The following ARMC1 variants were observed in gnomAD, a reference collection of about 807,000 sequenced individuals.
The protein encoded by ARMC1 is armadillo repeat-containing protein 1.
ARMC1 carries 16 observed loss-of-function variants against 31.4 expected under a neutral mutation model. The ratio of observed to expected loss-of-function variants is 0.51; its 90% confidence interval spans 0.34 to 0.77. The LOEUF (loss-of-function observed/expected upper bound fraction) is 0.77. Ranked by LOEUF, ARMC1 falls within the 30% of genes least tolerant of loss-of-function variation. The pLI, the probability that ARMC1 is intolerant of heterozygous loss-of-function variation, is 0.01. For synonymous variants in ARMC1, 114 were observed against 118.9 expected, an observed-to-expected ratio of 0.96 and a Z score of 0.27; for missense variants, 259 against 347.5, an observed-to-expected ratio of 0.75 and a Z score of 2.02.
chr8:65,623,512 G>A (rs1278671062), intron 2 of ARMC1, among the ~76,000 whole-genome samples: 1 of 151,268 alleles, frequency 6.6e-6, no homozygotes, highest in Non-Finnish European at 1.5e-5. Context: ...GGGAGACTGA[G>A]GCAGGAGAAT....
chr8:65,604,652 A>ATT, intron 6 of ARMC1, 67 bp from the exon 7 acceptor site: 1 of 1,438,846 alleles, frequency 7.0e-7, no homozygotes. Flanking sequence ...TACCGTGGTT[A>ATT]TTCTCAGGGT....
intron 2 of ARMC1, among the ~76,000 whole-genome samples, chr8:65,623,746 T>G (rs1450787305): frequency 6.8e-6 from 1 of 146,270 alleles, no homozygotes; most frequent in African/African-American, 2.5e-5. Context: ...GCAGTTTTCT[T>G]ATTAGAAACC....
chr8:65,627,611 G>A (rs1413016704), intron 1 of ARMC1, among the ~76,000 whole-genome samples, 178 bp from the exon 2 acceptor site: 6 of 152,084 alleles, frequency 3.9e-5, no homozygotes, highest in Non-Finnish European at 8.8e-5. Flanking sequence ...TAAGACGACT[G>A]AAAAAATTTG....
At chr8:65,624,207 G>A (rs566430280) in intron 2 of ARMC1, among the ~76,000 whole-genome samples, 57 of 151,952 alleles carry the variant, frequency 3.8e-4, no homozygotes, top group African/African-American at 1.3e-3. Context: ...AAATATAAAA[G>A]ACCTTTTTTT....
chr8:65,605,690 A>T, intron 4 of ARMC1, 152 bp from the exon 5 acceptor site: 2 of 621,640 alleles, frequency 3.2e-6, no homozygotes, highest in Non-Finnish European at 2.8e-6. Flanking sequence ...GGGAGTGCTT[A>T]GTCAAATTTT....
chr8:65,614,713 C>T (rs1455843027), intron 3 of ARMC1, among the ~76,000 whole-genome samples: 3 of 152,160 alleles, frequency 2.0e-5, no homozygotes, highest in Non-Finnish European at 4.4e-5. Flanking sequence ...CCTACAAAGA[C>T]CATGCATTTT....
chr8:65,603,227 G>T lies in ARMC1; in HGVS notation c.*1167C>A, dbSNP rs902455590. ...ACTTATCTACCAAAAAAACATATGT[G>T]TATGTATTTATTTATCTTACCTTCA... On this transcript the variant is annotated 3_prime_UTR_variant, in exon 7 of 7. Coordinates refer to ENST00000276569, the MANE Select transcript of ARMC1 (RefSeq NM_018120.6). 1 of 152,106 alleles carries T rather than the reference G, an allele frequency of 6.6e-6. No homozygotes were observed. Among genetic ancestry groups the T allele is most frequent in the African/African-American group, 2.4e-5 (1 of 41,428 alleles). 9.4% of individuals were successfully genotyped at this position (152,106 alleles called of 1,614,324 possible). A position where few individuals can be genotyped will look rare whatever the true frequency, so the allele number is the denominator to read the frequency against.
At chr8:65,622,161 G>A in intron 3 of ARMC1, 102 bp downstream of exon 3, 1 of 851,684 alleles carries the variant, frequency 1.2e-6, no homozygotes, top group South Asian at 1.6e-5. Flanking sequence ...AAGCCAAGGT[G>A]GAAGGATCGC....
Position 65,604,339 on chromosome 8 carries a change from C to T in ARMC1, c.*55G>A. 8.5e-6 allele frequency: 13 copies of T among 1,533,106 alleles called. No homozygotes were observed. The highest frequency in any genetic ancestry group is 1.2e-5 in the Non-Finnish European group (13 of 1,126,488). The allele number at this position is 1,533,106 out of a possible 1,614,324, so 95.0% of individuals were successfully genotyped here. ...AATTGCACTTGACAGTTCACCACAA[C>T]AATGGAAAACTGGCCCCTTGTTGGT... On this transcript the variant is annotated 3_prime_UTR_variant, in exon 7 of 7. Coordinates refer to ENST00000276569, the MANE Select transcript of ARMC1 (RefSeq NM_018120.6).
chr8:65,616,768 G>A (rs865920017), intron 3 of ARMC1, among the ~76,000 whole-genome samples: 14 of 150,466 alleles, frequency 9.3e-5, no homozygotes, highest in South Asian at 6.3e-4. Context: ...TGTGAGGAGC[G>A]CCTCTGCCCA....
intron 1 of ARMC1, 69 bp from the exon 2 acceptor site, chr8:65,627,502 G>T: frequency 1.2e-6 from 1 of 818,184 alleles, no homozygotes; most frequent in Non-Finnish European, 1.7e-6. Flanking sequence ...GAAATAACCA[G>T]GATTACAACA....
chr8:65,604,826 C>A (rs909671068), intron 6 of ARMC1, among the ~76,000 whole-genome samples: 3 of 152,100 alleles, frequency 2.0e-5, no homozygotes, highest in Admixed American at 1.3e-4. Context: ...AAGTGTCTAG[C>A]CACTGCAGCC....
intron 2 of ARMC1, among the ~76,000 whole-genome samples, chr8:65,623,307 C>CAAAAAA (rs71245496): frequency 2.6e-5 from 1 of 38,338 alleles, no homozygotes; most frequent in Non-Finnish European, 4.2e-5. Flanking sequence ...GACTCCGTCT[C>CAAAAAA]AAAAAAAAAA....
chr8:65,620,294 C>CTTTTTTT (rs755112362), intron 3 of ARMC1, among the ~76,000 whole-genome samples: 4 of 90,176 alleles, frequency 4.4e-5, no homozygotes, highest in African/African-American at 9.0e-5. Context: ...ATTATTATTA[C>CTTTTTTT]TTTTTTTTTT....
intron 1 of ARMC1, among the ~76,000 whole-genome samples, chr8:65,629,248 T>C (rs1360866422): frequency 6.6e-6 from 1 of 152,016 alleles, no homozygotes; most frequent in African/African-American, 2.4e-5. Flanking sequence ...GGAAATTCTG[T>C]CACTTGTGAC....
At position 65,627,452 on chromosome 8, in the gene ARMC1, G is replaced by C; in HGVS notation, c.-35-19C>G. ...TTAAATTCTGTAGAAAAGGTTTGCA[G>C]AATTAGTTCTAGGCTGCTGAGGTAT... On this transcript the variant is annotated intron_variant, in intron 1 of 6. Coordinates refer to ENST00000276569, the MANE Select transcript of ARMC1 (RefSeq NM_018120.6). 2.1e-6 allele frequency: 3 copies of C among 1,440,590 alleles called. No individual in the cohort carries two copies. Among genetic ancestry groups the C allele is most frequent in the South Asian group, 2.9e-5 (2 of 68,172 alleles). 89.2% of individuals were successfully genotyped at this position (1,440,590 alleles called of 1,614,324 possible).
chr8:65,611,770 CTTTT>C (rs1029931903), intron 4 of ARMC1, among the ~76,000 whole-genome samples: 1 of 150,882 alleles, frequency 6.6e-6, no homozygotes, highest in African/African-American at 2.4e-5. Flanking sequence ...TACACTTTCA[CTTTT>C]TTTTTCTTTT....
chr8:65,616,890 C>T (rs1206722659), intron 3 of ARMC1, among the ~76,000 whole-genome samples: 20 of 148,476 alleles, frequency 1.3e-4, no homozygotes, highest in Non-Finnish European at 1.9e-4. Flanking sequence ...GGAGCCCCTC[C>T]GCCCGGCAGC....
Position 65,629,522 on chromosome 8 carries a change from T to C in ARMC1, c.-35-2089A>G, listed in dbSNP as rs1042480084. ...ATAGTTAATAATAGTGTATTCCAGA[T>C]GGGCGCGGTGGCTCACACCTATAAT... On this transcript the variant is annotated intron_variant, in intron 1 of 6. Transcript: ENST00000276569. Among the ~76,000 whole-genome samples, 4 of 152,028 alleles carry C rather than the reference T, an allele frequency of 2.6e-5. No homozygotes were observed. In the East Asian group the frequency reaches 5.8e-4, roughly 22 times the overall value.
Sources: gnomAD v4.1 joint callset for allele counts (sites outside exome capture counted in the v4.1 genomes callset) on GRCh38, gnomAD v4.1.1 for gene constraint, MANE v1.5 for transcripts, NCBI Gene and HGNC (gene_info 2026-07-23, HGNC 2026-07-21) for gene names.